Variants in JARID2 observed in about 807,000 individuals in gnomAD.
JARID2 encodes jumonji and AT-rich interaction domain containing 2.
A neutral mutation model predicts 125.6 loss-of-function variants in JARID2; 21 were observed. That is an observed-to-expected ratio of 0.17 (90% confidence interval 0.12 to 0.24). The LOEUF is 0.24. JARID2 is among the 10% of genes least tolerant of loss of function. The pLI is 1.00. For synonymous variants in JARID2, 736 were observed against 661.6 expected (o/e 1.11, Z -1.73); for missense variants, 1,303 against 1,639.6 (o/e 0.79, Z 3.55).
chr6:15,300,722 T>TGAGAGAGAGA (rs57766040), intron 1 of JARID2, among the ~76,000 whole-genome samples: 3 of 111,118 alleles, frequency 2.7e-5, no homozygotes, highest in African/African-American at 3.7e-5. Flanking sequence ...TGTGTGTGTG[T>TGAGAGAGAGA]GAGAGAGAGA....
At chr6:15,323,757 TGGTGGTGTGCGC>T (rs1305014544) in intron 1 of JARID2, among the ~76,000 whole-genome samples, 3 of 151,986 alleles carry the variant, frequency 2.0e-5, no homozygotes, top group Non-Finnish European at 4.4e-5. Context: ...TAGCCGGGTG[TGGTGGTGTGCGC>T]CTGTAATCCC....
chr6:15,410,453 C>T, intron 3 of JARID2, 88 bp downstream of exon 3: 1 of 1,307,262 alleles, frequency 7.6e-7, no homozygotes, highest in Non-Finnish European at 1.1e-6. Context: ...AACGTGAGCC[C>T]ATTCACCCAA....
At chr6:15,283,705 A>ATTTT (rs58730259) in intron 1 of JARID2, among the ~76,000 whole-genome samples, 2 of 113,134 alleles carry the variant, frequency 1.8e-5, no homozygotes, top group African/African-American at 3.4e-5. Context: ...TCCTTTAAGT[A>ATTTT]TTTTTTTTTT....
chr6:15,491,432 T>C (rs1019161573), intron 6 of JARID2, among the ~76,000 whole-genome samples: 1 of 152,246 alleles, frequency 6.6e-6, no homozygotes, highest in Non-Finnish European at 1.5e-5. Context: ...TCCAGTGCAT[T>C]TCGCTTCTGT....
intron 16 of JARID2, among the ~76,000 whole-genome samples, chr6:15,515,832 A>T (rs1028361563): frequency 4.0e-5 from 6 of 151,854 alleles, no homozygotes; most frequent in African/African-American, 1.2e-4. Context: ...GAGGCGGGCC[A>T]ATCACAGCCT....
intron 1 of JARID2, among the ~76,000 whole-genome samples, chr6:15,259,623 A>G (rs921716728): frequency 1.3e-5 from 2 of 152,194 alleles, no homozygotes; most frequent in Non-Finnish European, 2.9e-5. Flanking sequence ...AATGTTTGCT[A>G]GGGCTCGCTC....
intron 6 of JARID2, among the ~76,000 whole-genome samples, chr6:15,492,856 T>C (rs1471074459): frequency 6.6e-6 from 1 of 152,228 alleles, no homozygotes. Context: ...GAGCTTGTTA[T>C]ATGGGCATGC....
intron 1 of JARID2, among the ~76,000 whole-genome samples, chr6:15,269,642 C>T (rs1432685214): frequency 6.6e-6 from 1 of 150,946 alleles, no homozygotes; most frequent in African/African-American, 2.4e-5. Context: ...AACTCCTAGC[C>T]TCAATCATCC....
At chr6:15,314,110 G>A (rs976341142) in intron 1 of JARID2, among the ~76,000 whole-genome samples, 7 of 152,122 alleles carry the variant, frequency 4.6e-5, no homozygotes, top group African/African-American at 1.7e-4. Flanking sequence ...TCAAAGGGAC[G>A]GGCTTAAGGT....
rs1771819148 is a variant in JARID2 at position 15,521,065 on chromosome 6, A to G, written c.*814A>G. ...CAAAAAACCCTTCAATAGCATCCTT[A>G]AGATTTAAAAAAAAAAAAAAAAAAA... On this transcript the variant is annotated 3_prime_UTR_variant, in exon 18 of 18. Transcript: ENST00000341776. 1 of 118,596 alleles carries G rather than the reference A, an allele frequency of 8.4e-6. No homozygotes were observed. 7.3% of individuals were successfully genotyped at this position (118,596 alleles called of 1,614,324 possible).
intron 5 of JARID2, among the ~76,000 whole-genome samples, chr6:15,472,378 A>C (rs1469188521): frequency 1.3e-5 from 2 of 152,168 alleles, no homozygotes; most frequent in African/African-American, 4.8e-5. Context: ...CTTCACTGAA[A>C]TGTACAAACC....
chr6:15,512,684 C>T (rs1581668929), intron 14 of JARID2, among the ~76,000 whole-genome samples: 1 of 152,128 alleles, frequency 6.6e-6, no homozygotes, highest in African/African-American at 2.4e-5. Flanking sequence ...AGAGAACCTC[C>T]ACCCATCGTG....
At chr6:15,373,874 A>G (rs1222878700) in intron 1 of JARID2, among the ~76,000 whole-genome samples, 4 of 152,190 alleles carry the variant, frequency 2.6e-5, no homozygotes, top group Non-Finnish European at 4.4e-5. Flanking sequence ...GGGGCGTATA[A>G]AGAAGTGAGA....
intron 1 of JARID2, among the ~76,000 whole-genome samples, chr6:15,269,005 G>A (rs77406821): frequency 2.6e-5 from 4 of 152,150 alleles, no homozygotes; most frequent in Non-Finnish European, 5.9e-5. Context: ...CCTGTTTCTC[G>A]TTAGGAAATT....
At chr6:15,476,518 C>T (rs1769349106) in intron 5 of JARID2, among the ~76,000 whole-genome samples, 1 of 152,216 alleles carries the variant, frequency 6.6e-6, no homozygotes, top group Admixed American at 6.5e-5. Flanking sequence ...TTTTGTTTTG[C>T]AAACATTACA....
At chr6:15,392,730 G>C (rs1765070859) in intron 2 of JARID2, among the ~76,000 whole-genome samples, 1 of 142,640 alleles carries the variant, frequency 7.0e-6, no homozygotes, top group South Asian at 2.2e-4. Flanking sequence ...TGCCCAGGCT[G>C]CTGGAGTGTA....
chr6:15,272,576 T>G (rs896635184), intron 1 of JARID2, among the ~76,000 whole-genome samples: 9 of 152,184 alleles, frequency 5.9e-5, no homozygotes, highest in Non-Finnish European at 1.0e-4. Context: ...TCCCCCAAAT[T>G]GCAGCTGTGG....
intron 7 of JARID2, among the ~76,000 whole-genome samples, chr6:15,499,112 C>T (rs1770604262): frequency 6.6e-6 from 1 of 152,196 alleles, no homozygotes; most frequent in Non-Finnish European, 1.5e-5. Flanking sequence ...ACCCAGAAGT[C>T]TAAGGCGTCT....
At chr6:15,475,554 G>T (rs1769298931) in intron 5 of JARID2, among the ~76,000 whole-genome samples, 1 of 152,142 alleles carries the variant, frequency 6.6e-6, no homozygotes, top group Non-Finnish European at 1.5e-5. Flanking sequence ...GCCCCACATT[G>T]TGCCATGAGA....
Sources: allele counts gnomAD v4.1 joint callset (sites outside exome capture counted in the v4.1 genomes callset), GRCh38; gene constraint gnomAD v4.1.1; transcripts MANE v1.5; gene names NCBI Gene and HGNC (gene_info 2026-07-23, HGNC 2026-07-21).